The following VWA3A variants were observed in gnomAD, a reference collection of about 807,000 sequenced individuals.
The protein encoded by VWA3A is von Willebrand factor A domain containing 3A, also known as von Willebrand factor A domain-containing protein 3A.
VWA3A carries 134 observed loss-of-function variants against 160.4 expected under a neutral mutation model. The observed-to-expected ratio is 0.84, with a 90% CI of 0.73 to 0.96. The LOEUF (loss-of-function observed/expected upper bound fraction) is 0.96. Ranked by LOEUF, VWA3A falls within the 40% of genes least tolerant of loss-of-function variation. The probability of loss-of-function intolerance (pLI) is 0.00; values close to 1 mark genes in which losing one functional copy is unlikely to be tolerated. For synonymous variants in VWA3A, 476 were observed against 543.4 expected (o/e 0.88, Z 1.72); for missense variants, 1,310 against 1,447.9 (o/e 0.90, Z 1.55).
At chr16:22,097,044 C>A (rs1598041371) in intron 2 of VWA3A, 99 bp downstream of exon 2, 2 of 749,026 alleles carry the variant, frequency 2.7e-6, no homozygotes, top group South Asian at 1.8e-5. Flanking sequence ...AGGCTCACTG[C>A]AAGCTCTGCC....
chr16:22,101,163 G>A (rs2045403247), intron 5 of VWA3A, among the ~76,000 whole-genome samples: 1 of 151,332 alleles, frequency 6.6e-6, no homozygotes, highest in African/African-American at 2.4e-5. Flanking sequence ...AGACCAAGGT[G>A]GGAGGATCAC....
intron 14 of VWA3A, among the ~76,000 whole-genome samples, chr16:22,122,284 GATGGATGGATGGATGGATGGATGGATGC>G: frequency 8.0e-6 from 1 of 125,476 alleles, no homozygotes; most frequent in South Asian, 2.3e-4. Context: ...TGGATGGGTG[GATGGATGGATGGATGGATGGATGGATGC>G]ATGGATGGAT....
At position 22,121,608 on chromosome 16, in the gene VWA3A, C is replaced by T. The variant is rs2045735810; in HGVS notation, c.1347C>T (p.Thr449=). Residue 449 remains threonine (T), a synonymous_variant, in exon 14 of 34, where the codon ACC becomes ACT. Coordinates refer to ENST00000389398, the MANE Select transcript of VWA3A (RefSeq NM_173615.5). ...VPILQKTVSS[T]IHEKAMIQFE... ...TTCTCCAGAAAACAGTATCATCGAC[C>T]ATCCATGAGGTAATTCAGATTCATA... 6.2e-7 allele frequency: 1 copy of T among 1,610,620 alleles called. No homozygotes were observed. Among genetic ancestry groups the T allele is most frequent in the Admixed American group, 1.7e-5 (1 of 59,992 alleles).
rs557991568 is a variant in VWA3A, at chr16:22,092,602, G to A, written c.-36G>A. The A allele has an allele frequency of 5.2e-6, 8 of 1,549,854 alleles. No homozygotes were observed. In the East Asian group the frequency reaches 1.2e-4, roughly 24 times the overall value. ...GATCCAGGAGAAGTAAGGCCCTGGA[G>A]TGCCAGGAGCCCTTCTCCCAAAGAT... On this transcript the variant is annotated 5_prime_UTR_variant, in exon 1 of 34. In the 5' UTR this introduces an upstream ATG that the reference lacks. Coordinates refer to ENST00000389398, the MANE Select transcript of VWA3A (RefSeq NM_173615.5).
At position 22,146,278 on chromosome 16, in the gene VWA3A, G is replaced by T; in HGVS notation, c.2773G>T (p.Val925Leu). ...HIQWTPREME[V>L]YIRHLEKVLR... Reference sequence around the variant, plus strand: ...CCAGTGGACGCCCAGGGAGATGGAGGTGTACATCAGGCACTTGGAGAAGGT... The same window carrying T: ...CCAGTGGACGCCCAGGGAGATGGAGTTGTACATCAGGCACTTGGAGAAGGT... Residue 925 changes from valine to leucine, a missense_variant, in exon 27 of 34, where the codon GTG becomes TTG. Physicochemically the swap from Val to Leu is conservative, Grantham distance 32. Transcript: ENST00000389398. The T allele has an allele frequency of 5.6e-6, 9 of 1,613,716 alleles. No individual in the cohort carries two copies. The highest frequency in any genetic ancestry group is 1.3e-5 in the African/African-American group (1 of 75,022).
intron 3 of VWA3A, 54 bp from the exon 4 acceptor site, chr16:22,100,140 T>C (rs2045385263): frequency 5.4e-6 from 8 of 1,489,092 alleles, no homozygotes; most frequent in South Asian, 2.7e-5. Flanking sequence ...GAAGGGAACC[T>C]CTTCCTTCCC....
chr16:22,112,272 G>C (rs12446626), intron 8 of VWA3A, among the ~76,000 whole-genome samples: 4 of 152,160 alleles, frequency 2.6e-5, no homozygotes, highest in African/African-American at 9.7e-5. Context: ...TACCATACTA[G>C]GTACTTTGCA....
At chr16:22,134,313 G>A (rs897186007) in intron 20 of VWA3A, 55 bp from the exon 21 acceptor site, 23 of 1,500,242 alleles carry the variant, frequency 1.5e-5, no homozygotes, top group South Asian at 3.7e-5. Flanking sequence ...TGATGGGGAC[G>A]CTTGCCAGGA....
At chr16:22,136,828 C>T (rs976571480) in intron 21 of VWA3A, among the ~76,000 whole-genome samples, 1 of 151,442 alleles carries the variant, frequency 6.6e-6, no homozygotes, top group African/African-American at 2.4e-5. Flanking sequence ...GTCAGGAGAT[C>T]GAGACCATCC....
intron 16 of VWA3A, among the ~76,000 whole-genome samples, chr16:22,125,776 G>C (rs2045837535): frequency 6.6e-6 from 1 of 152,154 alleles, no homozygotes; most frequent in South Asian, 2.1e-4. Context: ...GTAGTTTATA[G>C]TTAAACTACT....
chr16:22,138,308 T>TGTGTGC, intron 21 of VWA3A, 52 bp from the exon 22 acceptor site: 1 of 1,538,856 alleles, frequency 6.5e-7, no homozygotes, highest in Admixed American at 2.0e-5. Context: ...TGTGTGTGTG[T>TGTGTGC]GTGTGTCCAC....
At chr16:22,133,170 A>G in intron 20 of VWA3A, 75 bp downstream of exon 20, 1 of 1,456,398 alleles carries the variant, frequency 6.9e-7, no homozygotes, top group Non-Finnish European at 9.3e-7. Flanking sequence ...CCCTTAGACC[A>G]CAGATGTATT....
chr16:22,115,256 A>C (rs2045613076), intron 8 of VWA3A, 91 bp from the exon 9 acceptor site: 1 of 1,399,338 alleles, frequency 7.1e-7, no homozygotes, highest in Admixed American at 2.7e-5. Flanking sequence ...AGCCTGGGTA[A>C]CACAGCAAGC....
intron 6 of VWA3A, among the ~76,000 whole-genome samples, chr16:22,105,228 C>T (rs1211909972): frequency 6.6e-6 from 1 of 152,184 alleles, no homozygotes. Context: ...ACCTCCACTA[C>T]CCCATCCTCG....
intron 27 of VWA3A, among the ~76,000 whole-genome samples, chr16:22,146,725 C>T (rs996376971): frequency 4.0e-5 from 6 of 151,528 alleles, no homozygotes; most frequent in African/African-American, 9.7e-5. Flanking sequence ...GCTGAGATCG[C>T]GCCACTGCAC....
rs976749501 is a variant in VWA3A, at chr16:22,133,237, A to T, written c.2068+142A>T. On this transcript the variant is annotated intron_variant, in intron 20 of 33. Coordinates refer to ENST00000389398, the MANE Select transcript of VWA3A (RefSeq NM_173615.5). ...AAAATGTAAAACTGTTCCTCTGAAG[A>T]TAGATAGCAGTGATGGTTGAACAAC... 5 of 974,454 alleles carry T rather than the reference A, an allele frequency of 5.1e-6. No homozygotes were observed. The African/African-American group carries it at 8.2e-5, about 16-fold the overall frequency. 60.4% of individuals were successfully genotyped at this position (974,454 alleles called of 1,614,324 possible). A position where few individuals can be genotyped will look rare whatever the true frequency, so the allele number is the denominator to read the frequency against.
Position 22,143,145 on chromosome 16 carries a change from G to A in VWA3A, c.2592+380G>A, listed in dbSNP as rs1214755160. Among the ~76,000 whole-genome samples the A allele has an allele frequency of 2.9e-5, 4 of 139,682 alleles. No individual in the cohort carries two copies. The South Asian group carries it at 6.7e-4, about 23-fold the overall frequency. The allele number at this position is 139,682 out of a possible 152,430, so 91.6% of individuals were successfully genotyped here. ...AGCCTGGGTGACAGAGCAAGACTCT[G>A]TCTCAAAAAAAAAAAAAAAAAGGAC... On this transcript the variant is annotated intron_variant, in intron 25 of 33. Transcript: ENST00000389398.
At chr16:22,148,872 G>A (rs1349986507) in intron 28 of VWA3A, among the ~76,000 whole-genome samples, 4 of 152,172 alleles carry the variant, frequency 2.6e-5, no homozygotes, top group Non-Finnish European at 5.9e-5. Context: ...ATGGCTTTCA[G>A]CTGAACTTGA....
intron 31 of VWA3A, among the ~76,000 whole-genome samples, chr16:22,154,502 T>C (rs2046404655): frequency 1.3e-5 from 2 of 151,526 alleles, no homozygotes; most frequent in Non-Finnish European, 2.9e-5. Context: ...CTAATTTTTA[T>C]ATTTTTAGTA....
Sources: allele counts gnomAD v4.1 joint callset (sites outside exome capture counted in the v4.1 genomes callset), GRCh38; gene constraint gnomAD v4.1.1; transcripts MANE v1.5; gene names NCBI Gene and HGNC (gene_info 2026-07-23, HGNC 2026-07-21).